HAL: variants seen among roughly 807,000 people sequenced by gnomAD.
The protein encoded by HAL is histidine ammonia-lyase, also known as histidase.
Under a neutral mutation model 81.1 loss-of-function variants are expected in HAL, and 85 were observed. The ratio of observed to expected loss-of-function variants is 1.05; its 90% CI spans 0.88 to 1.25. The LOEUF is 1.25. Ranked by LOEUF, HAL falls within the 50% of genes most tolerant of loss-of-function variation. HAL has a pLI of 0.00. For synonymous variants in HAL, 301 were observed against 309.2 expected, an observed-to-expected ratio of 0.97 and a Z score of 0.28; for missense variants, 798 against 836.6, an observed-to-expected ratio of 0.95 and a Z score of 0.57.
At chr12:95,992,839 A>T in intron 8 of HAL, 34 bp from the exon 9 acceptor site, 1 of 1,606,876 alleles carries the variant, frequency 6.2e-7, no homozygotes, top group Non-Finnish European at 8.5e-7. Flanking sequence ...CTCCAAGAAA[A>T]GCAAACTCCT....
chr12:95,990,655 A>G, intron 9 of HAL, 123 bp from the exon 10 acceptor site: 2 of 792,024 alleles, frequency 2.5e-6, no homozygotes, highest in East Asian at 2.5e-5. Context: ...ACTTTATGGC[A>G]TAGATACCTG....
chr12:95,990,285 A>G (rs55634581), intron 10 of HAL, 108 bp downstream of exon 10: 109,145 of 882,562 alleles, frequency 0.12, 8,731 homozygotes, highest in East Asian at 0.34. Context: ...GGATAGTAGG[A>G]GCTCCCTCAC....
rs779523127 is a variant in HAL, at chr12:95,985,943, C to T, written c.1171G>A (p.Val391Ile). 4.4e-5 allele frequency: 71 copies of T among 1,611,562 alleles called. No individual in the cohort carries two copies. Among genetic ancestry groups the T allele is most frequent in the Middle Eastern group, 3.3e-4 (2 of 6,082 alleles). The change falls in exon 14 of 21, where the codon GTC becomes ATC. Residue 391 changes from valine (V) to isoleucine (I), a missense_variant. Transcript: ENST00000261208. ...CAGCGCAAGGTGTATGCATCCTGGA[C>T]GCGATCACAGAACCTGTGACTCTCT... ...IAESHRFCDRVQDAYTLRCCP... is the reference protein window; with the variant it reads ...IAESHRFCDRIQDAYTLRCCP...
rs757708836 is a variant in HAL, at chr12:95,995,040, A to G, written c.248-47T>C. ...TCGTTACAGATCACATTGTACAGCC[A>G]TGTTCCCCCTGTTAAACCAAGGAAC... On this transcript the variant is annotated intron_variant, in intron 2 of 20. Transcript: ENST00000261208. The G allele has an allele frequency of 3.6e-6, 5 of 1,400,008 alleles. No homozygotes were observed. The East Asian group carries it at 1.1e-4, about 32-fold the overall frequency. 86.7% of individuals were successfully genotyped at this position (1,400,008 alleles called of 1,614,324 possible). A position where few individuals can be genotyped will look rare whatever the true frequency, so the allele number is the denominator to read the frequency against.
rs777525016 is a variant in HAL, at chr12:95,994,120, G to A, written c.381C>T (p.Val127=). The A allele has an allele frequency of 6.2e-7, 1 of 1,613,482 alleles. No homozygotes were observed. Among genetic ancestry groups the A allele is most frequent in the Non-Finnish European group, 8.5e-7 (1 of 1,179,524 alleles). ...TTTTGTAGCGTCCCTTTCCCAAGTTGACCAGATCCTCCGTGGTCAGACGGT... is the reference window on the plus strand; with the variant it reads ...TTTTGTAGCGTCCCTTTCCCAAGTTAACCAGATCCTCCGTGGTCAGACGGT... ...DGDRLTTEDL[V]NLGKGRYKIK... is the part of the protein sequence containing the mutation. The change falls in exon 5 of 21, where the codon GTC becomes GTT. Residue 127 remains valine (V), a synonymous_variant. Coordinates refer to ENST00000261208, the MANE Select transcript of HAL (RefSeq NM_002108.4).
intron 20 of HAL, among the ~76,000 whole-genome samples, chr12:95,974,587 C>A (rs1337689965): frequency 6.6e-6 from 1 of 152,166 alleles, no homozygotes; most frequent in Admixed American, 6.5e-5. Flanking sequence ...CCAAAACTTT[C>A]TAAAGTCATC....
At position 95,994,964 on chromosome 12, in the gene HAL, A is replaced by G; in HGVS notation, c.277T>C (p.Phe93Leu). Residue 93 changes from phenylalanine (F) to leucine (L), a missense_variant, in exon 3 of 21, where the codon TTC (phenylalanine) becomes CTC (leucine). Physicochemically the swap from Phe to Leu is conservative, Grantham distance 22. Coordinates refer to ENST00000261208, the MANE Select transcript of HAL (RefSeq NM_002108.4). ...VIEGDAMSPD[F>L]IPSQPEGVYL... ...ACTCCTTCTGGTTGAGATGGAATGAAGTCAGGAGACATGGCATCACCCTCT... is the reference window on the plus strand; with the variant it reads ...ACTCCTTCTGGTTGAGATGGAATGAGGTCAGGAGACATGGCATCACCCTCT... 1.9e-6 allele frequency: 3 copies of G among 1,612,956 alleles called. No homozygotes were observed. Among genetic ancestry groups the G allele is most frequent in the Non-Finnish European group, 2.5e-6 (3 of 1,178,942 alleles).
chr12:95,988,153 A>G (rs1397472199), intron 11 of HAL, 40 bp downstream of exon 11: 4 of 950,564 alleles, frequency 4.2e-6, no homozygotes, highest in Non-Finnish European at 6.9e-6. Context: ...ATAAATAAAA[A>G]CTCATGCACT....
At chr12:95,977,642 CAAAAA>C (rs60410496) in intron 18 of HAL, among the ~76,000 whole-genome samples, 2,500 of 99,878 alleles carry the variant, frequency 0.025, 41 homozygotes, top group Middle Eastern at 0.045. Flanking sequence ...GATCCTGCCT[CAAAAA>C]AAAAAAAAAA....
In HAL at chr12:95,972,957, C is replaced by G. The variant is rs2080670636; in HGVS notation, c.*1275G>C. Reference sequence around the variant, plus strand: ...AGAACAACCTTTAGGTAAACAGTCTCCTCAGCACATTTTTTGCTCCCTGAA... The same window carrying G: ...AGAACAACCTTTAGGTAAACAGTCTGCTCAGCACATTTTTTGCTCCCTGAA... On this transcript the variant is annotated 3_prime_UTR_variant, in exon 21 of 21. Transcript: ENST00000261208. 1.3e-5 allele frequency: 2 copies of G among 152,212 alleles called. No individual in the cohort carries two copies. Among genetic ancestry groups the G allele is most frequent in the African/African-American group, 4.8e-5 (2 of 41,442 alleles). The allele number at this position is 152,212 out of a possible 1,614,324, so 9.4% of individuals were successfully genotyped here.
At chr12:95,986,006 A>T (rs767764900) in intron 13 of HAL, 40 bp from the exon 14 acceptor site, 2 of 1,590,258 alleles carry the variant, frequency 1.3e-6, no homozygotes, top group Admixed American at 3.3e-5. Context: ...GGATCATGTT[A>T]CCAATTCTTT....
chr12:95,986,482 T>G (rs1170968965), intron 12 of HAL, among the ~76,000 whole-genome samples: 1 of 152,166 alleles, frequency 6.6e-6, no homozygotes, highest in Non-Finnish European at 1.5e-5. Context: ...TTGACTTGAC[T>G]CCTTCTACTT....
rs548872123 is a variant in HAL, at chr12:95,986,730, C to T, written c.1051+337G>A. On this transcript the variant is annotated intron_variant, in intron 12 of 20. Transcript: ENST00000261208. ...AGTTTTTCTTCCCCAATTTTCTAGT[C>T]GGGACCAACTCTAATCCTACTCCTT... Among the ~76,000 whole-genome samples, 27 of 152,150 alleles carry T rather than the reference C, an allele frequency of 1.8e-4. No individual in the cohort carries two copies. The South Asian group carries it at 2.1e-3, about 12-fold the overall frequency.
intron 11 of HAL, 108 bp from the exon 12 acceptor site, chr12:95,987,322 AAC>A: frequency 1.1e-6 from 1 of 901,432 alleles, no homozygotes; most frequent in Non-Finnish European, 1.9e-6. Context: ...GCCAGTCATA[AAC>A]ATAAAAAATT....
intron 20 of HAL, chr12:95,976,134 A>G: frequency 2.4e-6 from 1 of 421,624 alleles, no homozygotes; most frequent in South Asian, 2.1e-5. Flanking sequence ...AGGGGTGGGG[A>G]GGCATCAATG....
Position 95,987,051 on chromosome 12 carries a change from G to A in HAL, c.1051+16C>T, listed in dbSNP as rs1240877013. ...TGGTTGAATGAATAACAACCAAAAGGAAGAACCCTGCTGACCAGTGTCAAA... is the reference window on the plus strand; with the variant it reads ...TGGTTGAATGAATAACAACCAAAAGAAAGAACCCTGCTGACCAGTGTCAAA... On this transcript the variant is annotated intron_variant, in intron 12 of 20. Coordinates refer to ENST00000261208, the MANE Select transcript of HAL (RefSeq NM_002108.4). 3.1e-6 allele frequency: 5 copies of A among 1,608,970 alleles called. No individual in the cohort carries two copies. In the East Asian group the frequency reaches 6.7e-5, roughly 22 times the overall value.
intron 15 of HAL, among the ~76,000 whole-genome samples, chr12:95,982,643 T>A (rs976966754): frequency 2.0e-5 from 3 of 152,156 alleles, no homozygotes; most frequent in Non-Finnish European, 4.4e-5. Context: ...TAAAACAATG[T>A]GAGAGAACAT....
chr12:95,987,282 G>A, intron 11 of HAL, 68 bp from the exon 12 acceptor site: 1 of 1,353,280 alleles, frequency 7.4e-7, no homozygotes, highest in Non-Finnish European at 1.1e-6. Flanking sequence ...CGTGGATTTT[G>A]TATCTTTTGC....
chr12:95,986,119 C>T lies in HAL; in HGVS notation c.1093G>A (p.Ala365Thr), dbSNP rs780828219. The T allele has an allele frequency of 1.4e-5, 22 of 1,612,794 alleles. No individual in the cohort carries two copies. The South Asian group carries it at 1.8e-4, about 13-fold the overall frequency. The change falls in exon 13 of 21, where the codon GCT becomes ACT. Residue 365 changes from alanine to threonine, a missense_variant. Coordinates refer to ENST00000261208, the MANE Select transcript of HAL (RefSeq NM_002108.4). ...LRPHRGQIEV[A>T]FRFRSLLDSD... Reference sequence around the variant, plus strand: ...TCCAAGAGTGACCGAAACCGAAAAGCAACTTCAATTTGCCCACGGTGAGGT... The same window carrying T: ...TCCAAGAGTGACCGAAACCGAAAAGTAACTTCAATTTGCCCACGGTGAGGT...
Sources: gnomAD v4.1 joint callset for allele counts (sites outside exome capture counted in the v4.1 genomes callset) on GRCh38, gnomAD v4.1.1 for gene constraint, MANE v1.5 for transcripts, NCBI Gene and HGNC (gene_info 2026-07-23, HGNC 2026-07-21) for gene names.